Variants in PELP1 observed in about 807,000 individuals in gnomAD.
PELP1 encodes the protein proline, glutamate and leucine rich protein 1.
In PELP1, 32 loss-of-function variants were observed where a neutral mutation model predicts 95.5. The observed-to-expected ratio is 0.34, with a 90% CI of 0.25 to 0.45. The LOEUF is 0.45. PELP1 is among the 20% of genes least tolerant of loss of function. The pLI, the probability that PELP1 is intolerant of heterozygous loss-of-function variation, is 1.00. For synonymous variants in PELP1, 668 were observed against 600.1 expected (o/e 1.11, Z -1.65); for missense variants, 1,358 against 1,444.8 (o/e 0.94, Z 0.97).
In PELP1 at chr17:4,671,331, A is replaced by C; in HGVS notation, c.*108T>G. On this transcript the variant is annotated 3_prime_UTR_variant, in exon 17 of 17. Transcript: ENST00000572293. ...ATGGACACCCTGAAAAGCCCAGCAG[A>C]CACTTGAGCTTCTGGCTGGGGACCC... 1 of 703,660 alleles carries C rather than the reference A, an allele frequency of 1.4e-6. No individual in the cohort carries two copies. Among genetic ancestry groups the C allele is most frequent in the South Asian group, 1.6e-5 (1 of 63,746 alleles). The allele number at this position is 703,660 out of a possible 1,614,324, so 43.6% of individuals were successfully genotyped here.
In PELP1 at chr17:4,676,180, A is replaced by G; in HGVS notation, c.854-18T>C. The G allele has an allele frequency of 6.2e-7, 1 of 1,611,978 alleles. No individual in the cohort carries two copies. Reference sequence around the variant, plus strand: ...CACAGGAGCTGGCAGAAGCACAACTACCCTGTACACTGTCTTTCTTCCATC... The same window carrying G: ...CACAGGAGCTGGCAGAAGCACAACTGCCCTGTACACTGTCTTTCTTCCATC... On this transcript the variant is annotated intron_variant, in intron 7 of 16. Transcript: ENST00000572293.
At chr17:4,680,045 A>G (rs1246241831) in intron 5 of PELP1, among the ~76,000 whole-genome samples, 1 of 152,214 alleles carries the variant, frequency 6.6e-6, no homozygotes, top group Admixed American at 6.5e-5. Context: ...CTGGTTTTAC[A>G]ATTACCAGAT....
chr17:4,703,924 G>A lies in PELP1; in HGVS notation c.188C>T (p.Ala63Val). ...GCACATGAGCCCGGGCAAATGTGGG[G>A]CCGAGCGGTTTGGGGGATGCACCGG... ...VAPVHPPNRSAPHLPGLMCLL... is the reference protein window; with the variant it reads ...VAPVHPPNRSVPHLPGLMCLL... The change falls in exon 1 of 17, where the codon GCC (alanine) becomes GTC (valine). Residue 63 changes from alanine to valine, a missense_variant. By Grantham distance (64) the Ala-to-Val change is moderately conservative. Around this residue, in one of 7 missense-constraint regions of PELP1, gnomAD observed 169 missense variants for 134.9 expected, o/e 1.25. Transcript: ENST00000572293. The A allele has an allele frequency of 1.9e-6, 3 of 1,613,548 alleles. No individual in the cohort carries two copies. The highest frequency in any genetic ancestry group is 1.7e-6 in the Non-Finnish European group (2 of 1,179,730).
At position 4,672,684 on chromosome 17, in the gene PELP1, G is replaced by A; in HGVS notation, c.2307C>T (p.Asp769=). 1.2e-6 allele frequency: 2 copies of A among 1,613,514 alleles called. No individual in the cohort carries two copies. The highest frequency in any genetic ancestry group is 2.2e-5 in the East Asian group (1 of 44,870). The change falls in exon 16 of 17, where the codon GAC becomes GAT. Residue 769 remains aspartate (D), a synonymous_variant. Transcript: ENST00000572293. ...RVPRPAFVHY[D]KEEASDVEIS... is the part of the protein sequence containing the mutation. ...TCTCCACATCAGATGCCTCCTCCTT[G>A]TCATAGTGGACAAAGGCTGGTCTGG...
At chr17:4,694,935 G>C (rs192255467) in intron 1 of PELP1, among the ~76,000 whole-genome samples, 14 of 151,316 alleles carry the variant, frequency 9.3e-5, no homozygotes, top group Admixed American at 2.0e-4. Context: ...CTTGAACCCG[G>C]GAGAATCGCT....
intron 1 of PELP1, among the ~76,000 whole-genome samples, chr17:4,693,581 C>T (rs896847360): frequency 6.6e-6 from 1 of 152,152 alleles, no homozygotes; most frequent in African/African-American, 2.4e-5. Context: ...GTGACTTGAA[C>T]ACGAGCACTG....
At position 4,673,356 on chromosome 17, in the gene PELP1, T is replaced by C; in HGVS notation, c.1739A>G (p.Tyr580Cys). The change falls in exon 15 of 17, where the codon TAC (tyrosine) becomes TGC (cysteine). Residue 580 changes from tyrosine (Y) to cysteine (C), a missense_variant. Tyr to Cys is a radical substitution (Grantham distance 194). Around this residue, in one of 7 missense-constraint regions of PELP1, gnomAD observed 538 missense variants for 628.1 expected, o/e 0.86. Transcript: ENST00000572293. This position sits in a 1 kb window ranked among gnomAD's most constrained non-coding sequence, Gnocchi z 5.7. ...CAGCAGCAGCGCCAGCAGCAGGCAG[T>C]AGAGTTCACGGCGGCAGCGGGAGCT... ...YTSSRCRRELYCLLLALLLAP... is the reference protein window; with the variant it reads ...YTSSRCRRELCCLLLALLLAP... 4 of 1,596,602 alleles carry C rather than the reference T, an allele frequency of 2.5e-6. No individual in the cohort carries two copies. The highest frequency in any genetic ancestry group is 3.4e-6 in the Non-Finnish European group (4 of 1,171,932).
chr17:4,694,274 T>C (rs1021605509), intron 1 of PELP1, among the ~76,000 whole-genome samples: 25 of 150,988 alleles, frequency 1.7e-4, no homozygotes, highest in African/African-American at 6.1e-4. Flanking sequence ...CTTTATGGAG[T>C]GATGAAAATG....
chr17:4,671,711 C>A lies in PELP1; in HGVS notation c.3280G>T (p.Ala1094Ser). 2.6e-6 allele frequency: 4 copies of A among 1,558,302 alleles called. No individual in the cohort carries two copies. The highest frequency in any genetic ancestry group is 3.5e-6 in the Non-Finnish European group (4 of 1,157,448). The change falls in exon 16 of 17, where the codon GCC (alanine) becomes TCC (serine). Residue 1094 changes from alanine (A) to serine (S), a missense_variant. Coordinates refer to ENST00000572293, the MANE Select transcript of PELP1 (RefSeq NM_014389.3). ...AEEEMETETE[A>S]EALQEKEQDD... ...CTCACCTTTTCCTGGAGAGCTTCGG[C>A]CTCTGTCTCTGTCTCCATCTCTTCT...
chr17:4,702,136 G>A (rs1597460342), intron 1 of PELP1, among the ~76,000 whole-genome samples: 1 of 152,136 alleles, frequency 6.6e-6, no homozygotes, highest in Admixed American at 6.6e-5. Flanking sequence ...AATTTCTGGG[G>A]GGCAAGGCAT....
chr17:4,670,429 A>C lies in PELP1; in HGVS notation c.*1010T>G, dbSNP rs527656214. 1 of 152,364 alleles carries C rather than the reference A, an allele frequency of 6.6e-6. No homozygotes were observed. Among genetic ancestry groups the C allele is most frequent in the Non-Finnish European group, 1.5e-5 (1 of 68,060 alleles). The allele number at this position is 152,364 out of a possible 1,614,324, so 9.4% of individuals were successfully genotyped here. On this transcript the variant is annotated 3_prime_UTR_variant, in exon 17 of 17. Coordinates refer to ENST00000572293, the MANE Select transcript of PELP1 (RefSeq NM_014389.3). ...CTAGAATAGGATTAGTGCTTAAAGA[A>C]AAGACACTGGGACAGTCAGGTGCGG...
chr17:4,689,321 A>G (rs4790679), intron 3 of PELP1, among the ~76,000 whole-genome samples: 148,894 of 152,306 alleles, frequency 0.98, 72,862 homozygotes, highest in Middle Eastern at 1. Flanking sequence ...CAACAAAAAC[A>G]AAGATAAATA....
chr17:4,675,121 A>C lies in PELP1; in HGVS notation c.1232T>G (p.Ile411Ser). Residue 411 changes from isoleucine to serine, a missense_variant, in exon 11 of 17, where the codon ATC (isoleucine) becomes AGC (serine). This residue lies in a region of PELP1 where 538 missense variants were observed against 628.1 expected (regional missense o/e 0.86). Transcript: ENST00000572293. The surrounding 1 kb of genome is among the most constrained non-coding windows in gnomAD (Gnocchi z 4.3). The stretch of plus-strand genomic sequence containing the variant: ...GCCTGGAGAGAGGGAATCTCTACCG[A>C]TGCTCCAGGAATTGAGGACCTGGGG... The part of the protein sequence containing the change: ...LLPQVLNSWS[I>S]GRDSLSPGQE... 2 of 1,613,656 alleles carry C rather than the reference A, an allele frequency of 1.2e-6. No individual in the cohort carries two copies. The highest frequency in any genetic ancestry group is 1.7e-6 in the Non-Finnish European group (2 of 1,179,804).
intron 13 of PELP1, 30 bp downstream of exon 13, chr17:4,674,480 C>T (rs1249672562): frequency 6.3e-7 from 1 of 1,597,908 alleles, no homozygotes; most frequent in East Asian, 2.2e-5. Context: ...CGTTTGAGCC[C>T]CAGTGGTCCA....
chr17:4,691,153 A>G, intron 2 of PELP1, 160 bp from the exon 3 acceptor site: 1 of 661,084 alleles, frequency 1.5e-6, no homozygotes, highest in East Asian at 2.7e-5. Context: ...AGAAGCAAAG[A>G]AAGAAGGGAG....
Position 4,673,855 on chromosome 17 carries a change from G to C in PELP1, c.1583-181C>G, listed in dbSNP as rs145863425. On this transcript the variant is annotated intron_variant, in intron 13 of 16. Coordinates refer to ENST00000572293, the MANE Select transcript of PELP1 (RefSeq NM_014389.3). This position sits in a 1 kb window ranked among gnomAD's most constrained non-coding sequence, Gnocchi z 5.7. Reference sequence around the variant, plus strand: ...ACCTCTACTGTATAGGGCCACTGACGGTATTTAATTGAGACAATGTAAGTA... The same window carrying C: ...ACCTCTACTGTATAGGGCCACTGACCGTATTTAATTGAGACAATGTAAGTA... 1.7e-6 allele frequency: 1 copy of C among 581,524 alleles called. No homozygotes were observed. Among genetic ancestry groups the C allele is most frequent in the South Asian group, 2.4e-5 (1 of 41,442 alleles). The allele number at this position is 581,524 out of a possible 1,614,324, so 36.0% of individuals were successfully genotyped here.
rs746890717 is a variant in PELP1 at position 4,673,406 on chromosome 17, C to G, written c.1689G>C (p.Glu563Asp). The G allele has an allele frequency of 3.1e-5, 50 of 1,595,942 alleles. No individual in the cohort carries two copies. Among genetic ancestry groups the G allele is most frequent in the Non-Finnish European group, 4.0e-5 (47 of 1,171,926 alleles). The change falls in exon 15 of 17, where the codon GAG becomes GAC. Residue 563 changes from glutamate to aspartate, a missense_variant. Around this residue, in one of 7 missense-constraint regions of PELP1, gnomAD observed 538 missense variants for 628.1 expected, o/e 0.86. Coordinates refer to ENST00000572293, the MANE Select transcript of PELP1 (RefSeq NM_014389.3). The surrounding 1 kb of genome is among the most constrained non-coding windows in gnomAD (Gnocchi z 5.7). ...LPLVMGVQQG[E>D]VLGSSPYTSS... ...TCGTGTACGGGGAGCTGCCTAGGAC[C>G]TCACCCTGCTGTACACCCATGACCA...
At position 4,675,101 on chromosome 17, in the gene PELP1, G is replaced by C; in HGVS notation, c.1252C>G (p.Pro418Ala). 6.2e-7 allele frequency: 1 copy of C among 1,613,808 alleles called. No individual in the cohort carries two copies. Among genetic ancestry groups the C allele is most frequent in the Non-Finnish European group, 8.5e-7 (1 of 1,179,784 alleles). Residue 418 changes from proline (P) to alanine (A), a missense_variant, in exon 11 of 17, where the codon CCA becomes GCA. Pro to Ala is a conservative substitution (Grantham distance 27, BLOSUM62 -1). Coordinates refer to ENST00000572293, the MANE Select transcript of PELP1 (RefSeq NM_014389.3). The surrounding 1 kb of genome is among the most constrained non-coding windows in gnomAD (Gnocchi z 4.3). ...SWSIGRDSLS[P>A]GQERPYSTVR... ...CACCTGTAAGGCCTCTCCTGGCCTGGAGAGAGGGAATCTCTACCGATGCTC... is the reference window on the plus strand; with the variant it reads ...CACCTGTAAGGCCTCTCCTGGCCTGCAGAGAGGGAATCTCTACCGATGCTC...
chr17:4,675,322 G>GGCA lies in PELP1; in HGVS notation c.1106_1108dup (p.Leu369dup), dbSNP rs770279069. On this transcript the variant is annotated inframe_insertion, in exon 10 of 17. Transcript: ENST00000572293. The surrounding 1 kb of genome is among the most constrained non-coding windows in gnomAD (Gnocchi z 4.3). ...GTCCAAGGCCTCAAGGTGGATAGAGGGCAGCAGCAGCAGCCGCAGGGGACC... is the reference window on the plus strand; with the variant it reads ...GTCCAAGGCCTCAAGGTGGATAGAGGGCAGCAGCAGCAGCAGCCGCAGGGGACC... 1.3e-6 allele frequency: 2 copies of GGCA among 1,563,580 alleles called. No homozygotes were observed.
Sources: allele counts gnomAD v4.1 joint callset (sites outside exome capture counted in the v4.1 genomes callset), GRCh38; gene constraint gnomAD v4.1.1; regional missense constraint gnomAD v4.1.1; non-coding constraint Gnocchi (gnomAD v3.1); transcripts MANE v1.5; gene names NCBI Gene and HGNC (gene_info 2026-07-23, HGNC 2026-07-21).